The following KIF17 variants were observed in gnomAD, a reference collection of about 807,000 sequenced individuals.
KIF17 encodes kinesin family member 17, also known as kinesin-like protein KIF17.
A neutral mutation model predicts 96.8 loss-of-function variants in KIF17; 80 were observed. The ratio of observed to expected loss-of-function variants is 0.83; its 90% CI spans 0.69 to 1.00. The LOEUF (loss-of-function observed/expected upper bound fraction) is 1.00. Among genes scored for constraint, KIF17 ranks in the 50% least tolerant of loss-of-function variants. The pLI is 0.00. For synonymous variants in KIF17, 567 were observed against 587.5 expected, an observed-to-expected ratio of 0.97 and a Z score of 0.51; for missense variants, 1,280 against 1,372.9, an observed-to-expected ratio of 0.93 and a Z score of 1.07.
intron 7 of KIF17, among the ~76,000 whole-genome samples, chr1:20,688,663 G>A (rs1289069658): frequency 6.6e-6 from 1 of 152,218 alleles, no homozygotes. Context: ...GGTGCCCTCG[G>A]AGCCCTCACT....
intron 2 of KIF17, among the ~76,000 whole-genome samples, chr1:20,714,420 G>T (rs1054086910): frequency 5.9e-5 from 9 of 152,296 alleles, no homozygotes; most frequent in African/African-American, 2.2e-4. Context: ...AACCCGGGAG[G>T]CAGAGGTTGC....
intron 3 of KIF17, among the ~76,000 whole-genome samples, chr1:20,711,068 C>G (rs2054426867): frequency 6.6e-6 from 1 of 152,120 alleles, no homozygotes; most frequent in African/African-American, 2.4e-5. Context: ...CTGTGACTTG[C>G]TGGTTGGGGA....
At chr1:20,713,906 AG>A (rs767043919) in intron 2 of KIF17, among the ~76,000 whole-genome samples, 23 of 152,082 alleles carry the variant, frequency 1.5e-4, no homozygotes, top group Non-Finnish European at 2.4e-4. Context: ...CAAAAAAAAC[AG>A]GGCGGGGCGC....
chr1:20,666,392 C>A, intron 13 of KIF17, 61 bp from the exon 14 acceptor site: 5 of 1,368,888 alleles, frequency 3.7e-6, no homozygotes, highest in Non-Finnish European at 5.2e-6. Flanking sequence ...CACAGGGCTC[C>A]ACAGCCTCTG....
At chr1:20,682,915 C>T in intron 10 of KIF17, 31 bp from the exon 11 acceptor site, 5 of 1,583,154 alleles carry the variant, frequency 3.2e-6, no homozygotes, top group South Asian at 2.2e-5. Flanking sequence ...GCAAACAAGA[C>T]AATATCTGCC....
chr1:20,712,161 G>A (rs1184471556), intron 3 of KIF17, among the ~76,000 whole-genome samples: 1 of 152,164 alleles, frequency 6.6e-6, no homozygotes, highest in African/African-American at 2.4e-5. Flanking sequence ...AGGGTCCAGG[G>A]TAGTGACGAA....
intron 12 of KIF17, 111 bp from the exon 13 acceptor site, chr1:20,670,599 A>G (rs1422755057): frequency 2.1e-6 from 2 of 969,338 alleles, no homozygotes; most frequent in Non-Finnish European, 3.3e-6. Flanking sequence ...AGGGGAGGAC[A>G]CTTCCCAGCC....
rs150545264 is a variant in KIF17, at chr1:20,715,550, C to T, written c.321G>A (p.Pro107=). 498 of 1,613,686 alleles carry T rather than the reference C, an allele frequency of 3.1e-4. No individual in the cohort carries two copies. In the African/African-American group the frequency reaches 5.4e-3, roughly 18 times the overall value. The change falls in exon 2 of 15, where the codon CCG becomes CCA. Residue 107 remains proline (P), a synonymous_variant. Coordinates refer to ENST00000400463, the MANE Select transcript of KIF17 (RefSeq NM_001122819.3). ...KSFTMQGLPD[P]PSQRGIIPRA... The stretch of plus-strand genomic sequence containing the variant: ...TGGGGATGATGCCTCTCTGGGAGGG[C>T]GGATCCGGCAGGCCCTGCATGGTGA...
chr1:20,672,176 C>T lies in KIF17; in HGVS notation c.2484G>A (p.Glu828=). 1.2e-6 allele frequency: 2 copies of T among 1,614,174 alleles called. No homozygotes were observed. The highest frequency in any genetic ancestry group is 1.7e-6 in the Non-Finnish European group (2 of 1,180,040). ...MQRKLRAAEV[E]IKDLQSEFQL... ...GAAACTCGGACTGCAGATCTTTGAT[C>T]TCCACCTCTGCTGCCCGAAGCTGAA... The change falls in exon 12 of 15, where the codon GAG becomes GAA. Residue 828 remains glutamate, a synonymous_variant. Transcript: ENST00000400463. The surrounding 1 kb of genome is among the most constrained non-coding windows in gnomAD (Gnocchi z 4.3).
At chr1:20,713,306 T>A (rs2054514694) in intron 3 of KIF17, 148 bp downstream of exon 3, 1 of 627,466 alleles carries the variant, frequency 1.6e-6, no homozygotes, top group African/African-American at 1.9e-5. Flanking sequence ...AAAAAAGTTT[T>A]TTTTAATTAA....
Position 20,704,749 on chromosome 1 carries a change from A to G in KIF17, c.821T>C (p.Ile274Thr), listed in dbSNP as rs759607594. Residue 274 changes from isoleucine to threonine, a missense_variant, in exon 5 of 15, where the codon ATC becomes ACC. Transcript: ENST00000400463. This position sits in a 1 kb window ranked among gnomAD's most constrained non-coding sequence, Gnocchi z 6.8. ...NLSLSALGNV[I>T]SALVDGRCKH... ...ACAGCGCCCGTCCACCAGCGCCGAG[A>G]TGACATTGCCCAGTGCCGAGAGCGA... 1.9e-6 allele frequency: 3 copies of G among 1,612,622 alleles called. 1 individual carries two copies. In the South Asian group the frequency reaches 3.3e-5, roughly 18 times the overall value.
intron 5 of KIF17, among the ~76,000 whole-genome samples, chr1:20,703,172 T>TGGATGAATGGATGGAC (rs1362564516): frequency 7.4e-6 from 1 of 135,574 alleles, no homozygotes; most frequent in South Asian, 2.2e-4. Flanking sequence ...TGGAGATGGA[T>TGGATGAATGGATGGAC]GGATGAATGG....
intron 10 of KIF17, 52 bp from the exon 11 acceptor site, chr1:20,682,936 C>G (rs2053858830): frequency 2.0e-6 from 3 of 1,514,210 alleles, no homozygotes; most frequent in Non-Finnish European, 2.7e-6. Context: ...CATCACCGAG[C>G]ACGTGCCATC....
At chr1:20,665,394 ATTTTTTTTTT>A (rs33986427) in intron 14 of KIF17, among the ~76,000 whole-genome samples, 6 of 80,886 alleles carry the variant, frequency 7.4e-5, no homozygotes, top group Non-Finnish European at 1.4e-4. Flanking sequence ...TACCCAGCTA[ATTTTTTTTTT>A]TTTTTTTTTT....
At position 20,712,620 on chromosome 1, in the gene KIF17, TAGATA is replaced by T. The variant is rs1557606408; in HGVS notation, c.480+829_480+833del. 1.2e-3 allele frequency among the ~76,000 whole-genome samples: 36 copies of T among 29,264 alleles called. 4 individuals carry two copies. The highest frequency in any genetic ancestry group is 3.6e-3 in the African/African-American group (36 of 10,072). The allele number at this position is 29,264 out of a possible 152,430, so 19.2% of individuals were successfully genotyped here. ...TATATATATCTATATATATATAATA[TAGATA>T]ATATCTATATATATAATATAGATAA... is the stretch of plus-strand genomic sequence containing the variant. On this transcript the variant is annotated intron_variant, in intron 3 of 14. Coordinates refer to ENST00000400463, the MANE Select transcript of KIF17 (RefSeq NM_001122819.3).
At chr1:20,673,444 T>C (rs951643879) in intron 11 of KIF17, among the ~76,000 whole-genome samples, 1 of 151,972 alleles carries the variant, frequency 6.6e-6, no homozygotes, top group Non-Finnish European at 1.5e-5. Context: ...CAGGCTGGTC[T>C]CAAACTCCTG....
In KIF17 at chr1:20,698,365, C is replaced by T. The variant is rs746538586; in HGVS notation, c.1233+14G>A. The T allele has an allele frequency of 2.5e-6, 4 of 1,598,498 alleles. No individual in the cohort carries two copies. The highest frequency in any genetic ancestry group is 2.2e-5 in the East Asian group (1 of 44,836). ...CCTGTCCCTTCTCCATGTTCCCACC[C>T]GCTTGGGTCTCACCTCCCGGATCAG... On this transcript the variant is annotated intron_variant, in intron 6 of 14. Transcript: ENST00000400463.
At chr1:20,682,200 C>G (rs997851260) in intron 11 of KIF17, among the ~76,000 whole-genome samples, 2 of 152,116 alleles carry the variant, frequency 1.3e-5, no homozygotes, top group African/African-American at 2.4e-5. Flanking sequence ...CATGCGTGCA[C>G]ACACACAACA....
At chr1:20,692,162 T>C (rs1332142898) in intron 6 of KIF17, among the ~76,000 whole-genome samples, 1 of 152,174 alleles carries the variant, frequency 6.6e-6, no homozygotes, top group Non-Finnish European at 1.5e-5. Context: ...ACTGCTATGA[T>C]GCACATTTGG....
Sources: allele counts gnomAD v4.1 joint callset (sites outside exome capture counted in the v4.1 genomes callset), GRCh38; gene constraint gnomAD v4.1.1; non-coding constraint Gnocchi (gnomAD v3.1); transcripts MANE v1.5; gene names NCBI Gene and HGNC (gene_info 2026-07-23, HGNC 2026-07-21).